Variants in MAF observed in about 807,000 individuals in gnomAD.
The protein encoded by MAF is transcription factor Maf.
In MAF, 10 loss-of-function variants were observed where a neutral mutation model predicts 22.0. The observed-to-expected ratio is 0.45, with a 90% CI of 0.28 to 0.77. The LOEUF is 0.77. MAF is among the 30% of genes least tolerant of loss of function. The pLI, the probability that MAF is intolerant of heterozygous loss-of-function variation, is 0.12. For synonymous variants in MAF, 337 were observed against 255.8 expected, an observed-to-expected ratio of 1.32 and a Z score of -3.03; for missense variants, 544 against 548.4, an observed-to-expected ratio of 0.99 and a Z score of 0.08.
chr16:79,499,614 G>C, the MAF span, among the ~76,000 whole-genome samples: 27 of 152,292 alleles, frequency 1.8e-4, no homozygotes, highest in African/African-American at 6.5e-4. Context: ...AGGCCCCAAA[G>C]AGCTGCCTTG....
At chr16:79,208,395 C>A in the MAF span, among the ~76,000 whole-genome samples, 1 of 147,466 alleles carries the variant, frequency 6.8e-6, no homozygotes, top group Admixed American at 6.7e-5. Flanking sequence ...AAAAAAAAAT[C>A]GTTTAGGGGA....
chr16:79,219,966 T>A, the MAF span, among the ~76,000 whole-genome samples: 3 of 152,342 alleles, frequency 2.0e-5, no homozygotes, highest in East Asian at 3.9e-4. Flanking sequence ...ACTAATGTTC[T>A]GTTAAACAAA....
the MAF span, among the ~76,000 whole-genome samples, chr16:79,234,972 G>T: frequency 6.6e-6 from 1 of 152,096 alleles, no homozygotes; most frequent in Non-Finnish European, 1.5e-5. Flanking sequence ...GGGGACCACT[G>T]GTCCAAGGAA....
chr16:79,446,112 G>A, the MAF span, among the ~76,000 whole-genome samples: 1 of 152,142 alleles, frequency 6.6e-6, no homozygotes, highest in Non-Finnish European at 1.5e-5. Context: ...CGGGCAGAGG[G>A]GAAAGGAGGA....
At chr16:79,591,005 C>T (rs1597837765), downstream of MAF, among the ~76,000 whole-genome samples, 1 of 152,120 alleles carries the variant, frequency 6.6e-6, no homozygotes, top group Admixed American at 6.5e-5. Context: ...CTCTGAACTC[C>T]TGACCTAATT....
chr16:79,530,921 T>C, the MAF span, among the ~76,000 whole-genome samples: 7 of 152,310 alleles, frequency 4.6e-5, no homozygotes, highest in African/African-American at 1.7e-4. Context: ...CCAGATCCTG[T>C]GTCTTTTAGG....
At chr16:79,563,000 G>T in the MAF span, among the ~76,000 whole-genome samples, 1 of 152,164 alleles carries the variant, frequency 6.6e-6, no homozygotes, top group Non-Finnish European at 1.5e-5. Context: ...AGGTTCATTT[G>T]TGCCTCCTCC....
chr16:79,288,621 A>G, the MAF span, among the ~76,000 whole-genome samples: 1 of 152,254 alleles, frequency 6.6e-6, no homozygotes, highest in African/African-American at 2.4e-5. Flanking sequence ...GTTGTTATAT[A>G]GAAATAGATA....
the MAF span, among the ~76,000 whole-genome samples, chr16:79,358,448 G>T: frequency 3.3e-5 from 5 of 152,082 alleles, no homozygotes; most frequent in Non-Finnish European, 7.4e-5. Context: ...GTTCATTTGG[G>T]AGAAGGCAGC....
the MAF span, among the ~76,000 whole-genome samples, chr16:79,221,165 C>A: frequency 6.6e-6 from 1 of 152,128 alleles, no homozygotes; most frequent in Admixed American, 6.5e-5. Context: ...GAATTCTTTG[C>A]CTGGTTTGCT....
chr16:79,482,429 G>A, the MAF span, among the ~76,000 whole-genome samples: 4 of 152,160 alleles, frequency 2.6e-5, no homozygotes, highest in African/African-American at 9.7e-5. Flanking sequence ...CAGCGACCTG[G>A]TCTTTTACAA....
the MAF span, among the ~76,000 whole-genome samples, chr16:79,295,454 T>G: frequency 0.026 from 3,929 of 152,282 alleles, 166 homozygotes; most frequent in African/African-American, 0.089. Context: ...GCTCGGTGTT[T>G]GCCTTATTTG....
chr16:79,272,732 T>TG, the MAF span, among the ~76,000 whole-genome samples: 1 of 152,146 alleles, frequency 6.6e-6, no homozygotes, highest in African/African-American at 2.4e-5. Context: ...CCCAACCATA[T>TG]TTTTTTAAAC....
chr16:79,507,434 A>G, the MAF span, among the ~76,000 whole-genome samples: 1 of 108,216 alleles, frequency 9.2e-6, no homozygotes, highest in Non-Finnish European at 1.9e-5. Context: ...TTACTTTTTT[A>G]TTTTTTTTGA....
chr16:79,526,739 G>A, the MAF span, among the ~76,000 whole-genome samples: 1 of 152,274 alleles, frequency 6.6e-6, no homozygotes, highest in East Asian at 1.9e-4. Flanking sequence ...TTTCTGTGGT[G>A]AAAATACTCC....
At chr16:79,436,780 A>G in the MAF span, among the ~76,000 whole-genome samples, 2 of 152,260 alleles carry the variant, frequency 1.3e-5, no homozygotes, top group East Asian at 3.9e-4. Context: ...CCTCTTGGAA[A>G]CATGAGCTGG....
the MAF span, among the ~76,000 whole-genome samples, chr16:79,451,700 GA>G: frequency 4.6e-5 from 7 of 151,684 alleles, no homozygotes; most frequent in African/African-American, 1.5e-4. Context: ...TATGCTCATT[GA>G]AAAAAAATAC....
At chr16:79,323,111 T>C in the MAF span, among the ~76,000 whole-genome samples, 1 of 120,882 alleles carries the variant, frequency 8.3e-6, no homozygotes, top group East Asian at 2.6e-4. Flanking sequence ...GATCAGCCAC[T>C]GCATTCCAGC....
chr16:79,377,642 A>T, the MAF span, among the ~76,000 whole-genome samples: 2 of 152,246 alleles, frequency 1.3e-5, no homozygotes, highest in South Asian at 4.2e-4. Context: ...GTTTTCTTCT[A>T]GCGTTTTTAT....
Sources: gnomAD v4.1 joint callset for allele counts (sites outside exome capture counted in the v4.1 genomes callset) on GRCh38, gnomAD v4.1.1 for gene constraint, MANE v1.5 for transcripts, NCBI Gene and HGNC (gene_info 2026-07-23, HGNC 2026-07-21) for gene names.